PSD2: variants seen among roughly 807,000 people sequenced by gnomAD.
PSD2 encodes PH and SEC7 domain-containing protein 2.
Under a neutral mutation model 69.8 loss-of-function variants are expected in PSD2, and 38 were observed. That is an observed-to-expected ratio of 0.54 (90% confidence interval 0.42 to 0.71). The LOEUF is 0.71. Ranked by LOEUF, PSD2 falls within the 30% of genes least tolerant of loss-of-function variation. PSD2 has a pLI of 0.00. For synonymous variants in PSD2, 412 were observed against 423.0 expected, an observed-to-expected ratio of 0.97 and a Z score of 0.32; for missense variants, 943 against 1,014.5, an observed-to-expected ratio of 0.93 and a Z score of 0.96.
chr5:139,838,737 C>T lies in PSD2; in HGVS notation c.1933C>T (p.Pro645Ser). The T allele has an allele frequency of 1.2e-6, 2 of 1,613,686 alleles. No individual in the cohort carries two copies. The highest frequency in any genetic ancestry group is 4.5e-5 in the East Asian group (2 of 44,882). ...CAGCTCCATGAAGAAGTTCTGTCGG[C>T]CCCTGCTGCCCTCCTGCACCACCCG... ...AVSSMKKFCR[P>S]LLPSCTTRLC... Residue 645 changes from proline to serine, a missense_variant, in exon 13 of 15, where the codon CCC becomes TCC. Around this residue, in one of 3 missense-constraint regions of PSD2, gnomAD observed 165 missense variants for 168.8 expected, o/e 0.98. Coordinates refer to ENST00000274710, the MANE Select transcript of PSD2 (RefSeq NM_032289.4).
At chr5:139,779,570 T>C in the PSD2 span, among the ~76,000 whole-genome samples, 1 of 152,232 alleles carries the variant, frequency 6.6e-6, no homozygotes, top group Non-Finnish European at 1.5e-5. Flanking sequence ...AAATTTTTTA[T>C]ACAATGAAAT....
chr5:139,835,646 C>G, intron 8 of PSD2, 77 bp from the exon 9 acceptor site: 1 of 1,433,756 alleles, frequency 7.0e-7, no homozygotes, highest in Non-Finnish European at 9.8e-7. Flanking sequence ...CCTCACTGTA[C>G]CCATGTTATT....
chr5:139,804,866 T>C (rs1273442977), intron 1 of PSD2, among the ~76,000 whole-genome samples: 2 of 152,052 alleles, frequency 1.3e-5, no homozygotes, highest in African/African-American at 2.4e-5. Flanking sequence ...TCTGTGTGTG[T>C]GCGTGTGTGT....
chr5:139,843,801 TGGGTGG>T lies in PSD2; in HGVS notation c.*1333_*1338del, dbSNP rs1345563844. 1 of 152,180 alleles carries T rather than the reference TGGGTGG, an allele frequency of 6.6e-6. No homozygotes were observed. The highest frequency in any genetic ancestry group is 1.5e-5 in the Non-Finnish European group (1 of 68,038). The allele number at this position is 152,180 out of a possible 1,614,324, so 9.4% of individuals were successfully genotyped here. Reference sequence around the variant, plus strand: ...GCCCTGCATTTCTCCAACTGACAAGTGGGTGGGGGTGATGGCACATTCAGTGTGGCT... The same window carrying T: ...GCCCTGCATTTCTCCAACTGACAAGTGGGTGATGGCACATTCAGTGTGGCT... On this transcript the variant is annotated 3_prime_UTR_variant, in exon 15 of 15. Coordinates refer to ENST00000274710, the MANE Select transcript of PSD2 (RefSeq NM_032289.4).
rs1375022950 is a variant in PSD2, at chr5:139,807,434, G to A, written c.-50-1957G>A. On this transcript the variant is annotated intron_variant, in intron 1 of 14. Transcript: ENST00000274710. ...TCTGAGTATACAACCAGAGGGAACC[G>A]ATTGAAATAGCAACTACAGCAGCAG... Among the ~76,000 whole-genome samples the A allele has an allele frequency of 2.7e-5, 4 of 148,414 alleles. No individual in the cohort carries two copies. The East Asian group carries it at 8.3e-4, about 31-fold the overall frequency.
chr5:139,767,229 G>C, the PSD2 span, among the ~76,000 whole-genome samples: 1 of 151,494 alleles, frequency 6.6e-6, no homozygotes, highest in East Asian at 1.9e-4. Context: ...TCCTGACCTC[G>C]TGATCCGCCT....
chr5:139,763,857 C>T, the PSD2 span, among the ~76,000 whole-genome samples: 3 of 152,176 alleles, frequency 2.0e-5, no homozygotes, highest in East Asian at 1.9e-4. Context: ...TCCCAAGACC[C>T]GAGCTTGAGT....
At chr5:139,830,612 T>TTTCTTTCTTTC (rs1760565444) in intron 7 of PSD2, among the ~76,000 whole-genome samples, 1 of 94,018 alleles carries the variant, frequency 1.1e-5, no homozygotes, top group Non-Finnish European at 2.1e-5. Flanking sequence ...TTCTTTCTCT[T>TTTCTTTCTTTC]TCTTTCTTTC....
chr5:139,842,272 A>G lies in PSD2; in HGVS notation c.2114A>G (p.Lys705Arg), dbSNP rs1480785836. The change falls in exon 15 of 15, where the codon AAA becomes AGA. Residue 705 changes from lysine (K) to arginine (R), a missense_variant and splice_region_variant. Coordinates refer to ENST00000274710, the MANE Select transcript of PSD2 (RefSeq NM_032289.4). ...RLKEHYLTFE[K>R]SRYETYIHLL... ...ACCTTGTGTTTGGCCTTTCCCCAGA[A>G]AAGCCGTTATGAGACCTATATCCAC... is the stretch of plus-strand genomic sequence containing the variant. 2.5e-6 allele frequency: 4 copies of G among 1,613,678 alleles called. No individual in the cohort carries two copies. The highest frequency in any genetic ancestry group is 3.4e-6 in the Non-Finnish European group (4 of 1,179,600).
At chr5:139,834,364 C>T (rs1241886681) in intron 8 of PSD2, among the ~76,000 whole-genome samples, 1 of 152,156 alleles carries the variant, frequency 6.6e-6, no homozygotes, top group Admixed American at 6.5e-5. Flanking sequence ...TGGCTCACTG[C>T]AGCCTGGAAC....
intron 2 of PSD2, among the ~76,000 whole-genome samples, chr5:139,810,712 T>A (rs1471815753): frequency 6.6e-6 from 1 of 152,198 alleles, no homozygotes; most frequent in African/African-American, 2.4e-5. Flanking sequence ...TATGTGAGTA[T>A]GTGTCTGTGG....
At chr5:139,772,843 C>T in the PSD2 span, 2 of 152,278 alleles carry the variant, frequency 1.3e-5, no homozygotes, top group South Asian at 2.1e-4. Flanking sequence ...TCTTTTTCCC[C>T]TCCCCGCAGG....
intron 7 of PSD2, among the ~76,000 whole-genome samples, chr5:139,831,849 T>A (rs188934960): frequency 1.8e-4 from 27 of 152,352 alleles, no homozygotes; most frequent in African/African-American, 6.5e-4. Flanking sequence ...GTATTTTCTT[T>A]CTTAATTTCA....
chr5:139,782,490 GTT>G, the PSD2 span, among the ~76,000 whole-genome samples: 8 of 117,048 alleles, frequency 6.8e-5, no homozygotes, highest in Non-Finnish European at 5.3e-5. Context: ...GGCCTGACTA[GTT>G]TTTTTTTTTT....
At chr5:139,799,963 T>C (rs1232311426) in intron 1 of PSD2, among the ~76,000 whole-genome samples, 1 of 151,974 alleles carries the variant, frequency 6.6e-6, no homozygotes. Context: ...TGTGGGAAGC[T>C]CATTTGGTGG....
the PSD2 span, among the ~76,000 whole-genome samples, chr5:139,773,306 G>A: frequency 4.6e-5 from 7 of 152,004 alleles, no homozygotes; most frequent in South Asian, 2.1e-4. Context: ...TTTGTCACCC[G>A]GGCTGGAGTG....
chr5:139,809,741 G>T lies in PSD2; in HGVS notation c.301G>T (p.Ala101Ser). Residue 101 changes from alanine (A) to serine (S), a missense_variant, in exon 2 of 15, where the codon GCT becomes TCT. By Grantham distance (99) the Ala-to-Ser change is moderately conservative. Around this residue, in one of 3 missense-constraint regions of PSD2, gnomAD observed 466 missense variants for 445.0 expected, o/e 1.05. Coordinates refer to ENST00000274710, the MANE Select transcript of PSD2 (RefSeq NM_032289.4). ...TTCAGCGGAGTCCAGGCCCTGGAGG[G>T]CTGGCGTGCTGGCAGAGGGGGACAA... The part of the protein sequence containing the change: ...EDSAESRPWR[A>S]GVLAEGDNAS... 1 of 1,614,200 alleles carries T rather than the reference G, an allele frequency of 6.2e-7. No individual in the cohort carries two copies. The highest frequency in any genetic ancestry group is 8.5e-7 in the Non-Finnish European group (1 of 1,180,024).
the PSD2 span, among the ~76,000 whole-genome samples, chr5:139,768,553 G>A: frequency 3.9e-5 from 6 of 151,994 alleles, no homozygotes; most frequent in Non-Finnish European, 5.9e-5. Context: ...AGAAACCCCC[G>A]TCTCTACTAA....
chr5:139,839,913 T>C lies in PSD2; in HGVS notation c.1969-114T>C. 1 of 1,197,116 alleles carries C rather than the reference T, an allele frequency of 8.4e-7. No individual in the cohort carries two copies. The highest frequency in any genetic ancestry group is 2.2e-4 in the Middle Eastern group (1 of 4,458). The allele number at this position is 1,197,116 out of a possible 1,614,324, so 74.2% of individuals were successfully genotyped here. A position where few individuals can be genotyped will look rare whatever the true frequency, so the allele number is the denominator to read the frequency against. ...TGGCTCTGTCCCCACATTTTGGTGA[T>C]GCTGGCTAGGCCTTCATTTCCCTTT... On this transcript the variant is annotated intron_variant, in intron 13 of 14. Coordinates refer to ENST00000274710, the MANE Select transcript of PSD2 (RefSeq NM_032289.4). This position sits in a 1 kb window ranked among gnomAD's most constrained non-coding sequence, Gnocchi z 5.1.
Sources: allele counts gnomAD v4.1 joint callset (sites outside exome capture counted in the v4.1 genomes callset), GRCh38; gene constraint gnomAD v4.1.1; regional missense constraint gnomAD v4.1.1; non-coding constraint Gnocchi (gnomAD v3.1); transcripts MANE v1.5; gene names NCBI Gene and HGNC (gene_info 2026-07-23, HGNC 2026-07-21).